Variants in GNPDA2 observed in about 807,000 individuals in gnomAD.
The protein encoded by GNPDA2 is glcN6P deaminase 2.
GNPDA2 carries 24 observed loss-of-function variants against 27.0 expected under a neutral mutation model. That is an observed-to-expected ratio of 0.89 (90% CI 0.64 to 1.25). The LOEUF (loss-of-function observed/expected upper bound fraction) is 1.25. GNPDA2 is among the 50% of genes most tolerant of loss of function. The pLI is 0.00. For missense variants in GNPDA2, 286 were observed against 335.1 expected (o/e 0.85, Z 1.14); for synonymous variants, 94 against 108.4 (o/e 0.87, Z 0.83).
At position 44,703,071 on chromosome 4, in the gene GNPDA2, CCA is replaced by C. The variant is rs1716370745; in HGVS notation, c.*8_*9del. 3.1e-6 allele frequency: 5 copies of C among 1,611,364 alleles called. No homozygotes were observed. The African/African-American group carries it at 5.3e-5, about 17-fold the overall frequency. On this transcript the variant is annotated 3_prime_UTR_variant, in exon 7 of 7. Coordinates refer to ENST00000295448, the MANE Select transcript of GNPDA2 (RefSeq NM_138335.3). ...CTGTTCATTCAAGCTGAATTTTGCT[CCA>C]GTCTCCTTCAGTTTCCATCTTTCAT...
intron 2 of GNPDA2, among the ~76,000 whole-genome samples, chr4:44,721,291 A>T (rs1717651570): frequency 6.6e-6 from 1 of 152,162 alleles, no homozygotes; most frequent in Admixed American, 6.6e-5. Flanking sequence ...ACAGTATACA[A>T]GGGACTTACA....
intron 4 of GNPDA2, among the ~76,000 whole-genome samples, chr4:44,711,430 A>C (rs1468896175): frequency 1.3e-5 from 2 of 152,174 alleles, no homozygotes; most frequent in African/African-American, 4.8e-5. Flanking sequence ...AGATTATCAA[A>C]TATTATTTAA....
chr4:44,703,708 A>G, intron 6 of GNPDA2: 1 of 983,050 alleles, frequency 1.0e-6, no homozygotes, highest in South Asian at 4.7e-5. Context: ...AATTCAGAAT[A>G]GAAATTACGA....
At chr4:44,715,834 G>C (rs1310256140) in intron 4 of GNPDA2, among the ~76,000 whole-genome samples, 2 of 151,996 alleles carry the variant, frequency 1.3e-5, no homozygotes, top group African/African-American at 4.8e-5. Flanking sequence ...CTGCTAGGTA[G>C]AAGTAAAAAC....
At chr4:44,709,607 TTA>T in intron 5 of GNPDA2, among the ~76,000 whole-genome samples, 1 of 152,066 alleles carries the variant, frequency 6.6e-6, no homozygotes, top group African/African-American at 2.4e-5. Flanking sequence ...TTTTAAAAGG[TTA>T]TGAAATAAGC....
At chr4:44,705,757 T>C (rs373998835) in intron 6 of GNPDA2, 2 of 152,166 alleles carry the variant, frequency 1.3e-5, no homozygotes, top group African/African-American at 4.8e-5. Flanking sequence ...TTTTGATTTC[T>C]ATTACCCAGC....
intron 5 of GNPDA2, among the ~76,000 whole-genome samples, chr4:44,708,646 ATCTTT>A (rs1162092291): frequency 2.0e-5 from 3 of 152,080 alleles, no homozygotes; most frequent in Admixed American, 1.3e-4. Flanking sequence ...ATGTGTCGGA[ATCTTT>A]TCTTTATCAT....
At chr4:44,709,368 A>G (rs1180166732) in intron 5 of GNPDA2, among the ~76,000 whole-genome samples, 1 of 152,148 alleles carries the variant, frequency 6.6e-6, no homozygotes, top group East Asian at 1.9e-4. Flanking sequence ...GATTAGTTAT[A>G]TCATACCTGT....
intron 4 of GNPDA2, among the ~76,000 whole-genome samples, chr4:44,713,852 C>CCA (rs1323012779): frequency 6.6e-6 from 1 of 152,156 alleles, no homozygotes; most frequent in Non-Finnish European, 1.5e-5. Flanking sequence ...TGTACTCCAG[C>CCA]CTGGGCAACA....
At chr4:44,723,738 A>G (rs1193839121) in intron 1 of GNPDA2, among the ~76,000 whole-genome samples, 2 of 152,140 alleles carry the variant, frequency 1.3e-5, no homozygotes, top group Non-Finnish European at 2.9e-5. Context: ...GAACTGCACA[A>G]AAGGAACGAA....
In GNPDA2 at chr4:44,707,842, A is replaced by T; in HGVS notation, c.679T>A (p.Ser227Thr). The change falls in exon 6 of 7, where the codon TCC (serine) becomes ACC (threonine). Residue 227 changes from serine (S) to threonine (T), a missense_variant. Ser to Thr is a moderately conservative substitution (Grantham distance 58). Coordinates refer to ENST00000295448, the MANE Select transcript of GNPDA2 (RefSeq NM_138335.3). ...GTCCGGGGATGCTGCTGGAAAGCGG[A>T]AACAGTCCACATGTGATTGACTCCT... ...EEGVNHMWTV[S>T]AFQQHPRTIF... 6.2e-7 allele frequency: 1 copy of T among 1,613,446 alleles called. No individual in the cohort carries two copies. Among genetic ancestry groups the T allele is most frequent in the Non-Finnish European group, 8.5e-7 (1 of 1,179,532 alleles).
At chr4:44,725,096 G>T (rs1402338850) in intron 1 of GNPDA2, among the ~76,000 whole-genome samples, 4 of 151,764 alleles carry the variant, frequency 2.6e-5, no homozygotes, top group East Asian at 1.9e-4. Flanking sequence ...TGCATCCTGG[G>T]CATGTTATTT....
At position 44,722,444 on chromosome 4, in the gene GNPDA2, C is replaced by G. The variant is rs150549922; in HGVS notation, c.-35-202G>C. On this transcript the variant is annotated intron_variant, in intron 1 of 6. Coordinates refer to ENST00000295448, the MANE Select transcript of GNPDA2 (RefSeq NM_138335.3). ...ATAGCTGTTCTCTTTTGAGCAGACACTGAGTTTAAGGCAGTGGGCTAGGTC... is the reference window on the plus strand; with the variant it reads ...ATAGCTGTTCTCTTTTGAGCAGACAGTGAGTTTAAGGCAGTGGGCTAGGTC... Among the ~76,000 whole-genome samples, 85 of 152,250 alleles carry G rather than the reference C, an allele frequency of 5.6e-4. No individual in the cohort carries two copies. The East Asian group carries it at 6.7e-3, about 12-fold the overall frequency.
In GNPDA2 at chr4:44,717,318, TA is replaced by T. The variant is rs1396775825; in HGVS notation, c.227-24del. The T allele has an allele frequency of 2.4e-6, 3 of 1,271,664 alleles. No homozygotes were observed. In the African/African-American group the frequency reaches 4.6e-5, roughly 19 times the overall value. 78.8% of individuals were successfully genotyped at this position (1,271,664 alleles called of 1,614,324 possible). ...GTCCTAAAGATGAAGTTAATAAAAATATAAGTATTCCTGAAATAAATCTAAA... is the reference window on the plus strand; with the variant it reads ...GTCCTAAAGATGAAGTTAATAAAAATTAAGTATTCCTGAAATAAATCTAAA... On this transcript the variant is annotated intron_variant, in intron 3 of 6. Transcript: ENST00000295448.
At chr4:44,717,823 T>TTCTATATTAAAA (rs974306189) in intron 3 of GNPDA2, among the ~76,000 whole-genome samples, 16 of 151,932 alleles carry the variant, frequency 1.1e-4, no homozygotes, top group Admixed American at 9.8e-4. Context: ...TATTTAAATT[T>TTCTATATTAAAA]TAACACAGAG....
Position 44,712,820 on chromosome 4 carries a change from T to A in GNPDA2, c.410-1683A>T, listed in dbSNP as rs961474587. On this transcript the variant is annotated intron_variant, in intron 4 of 6. Transcript: ENST00000295448. Reference sequence around the variant, plus strand: ...AAGGTATTTGCTTGTTGGCTATGAATAACTGAGGTTCCTGATATAAAATTA... The same window carrying A: ...AAGGTATTTGCTTGTTGGCTATGAAAAACTGAGGTTCCTGATATAAAATTA... Among the ~76,000 whole-genome samples, 4 of 152,198 alleles carry A rather than the reference T, an allele frequency of 2.6e-5. No homozygotes were observed. The South Asian group carries it at 8.3e-4, about 32-fold the overall frequency.
chr4:44,711,187 C>A (rs1716955703), intron 4 of GNPDA2, 50 bp from the exon 5 acceptor site: 4 of 1,229,142 alleles, frequency 3.3e-6, no homozygotes, highest in Admixed American at 3.0e-5. Context: ...ATAGGTTTCA[C>A]AAAGTTCAAT....
chr4:44,717,306 A>C lies in GNPDA2; in HGVS notation c.227-11T>G. The C allele has an allele frequency of 7.2e-7, 1 of 1,391,710 alleles. No individual in the cohort carries two copies. 86.2% of individuals were successfully genotyped at this position (1,391,710 alleles called of 1,614,324 possible). Reference sequence around the variant, plus strand: ...GATTTCTTGGAAGTCCTAAAGATGAAGTTAATAAAAATATAAGTATTCCTG... The same window carrying C: ...GATTTCTTGGAAGTCCTAAAGATGACGTTAATAAAAATATAAGTATTCCTG... On this transcript the variant is annotated splice_polypyrimidine_tract_variant and intron_variant, in intron 3 of 6. Coordinates refer to ENST00000295448, the MANE Select transcript of GNPDA2 (RefSeq NM_138335.3).
chr4:44,708,731 CT>C (rs1421315310), intron 5 of GNPDA2, among the ~76,000 whole-genome samples: 9 of 152,130 alleles, frequency 5.9e-5, no homozygotes, highest in East Asian at 3.9e-4. Flanking sequence ...AATCTTTAAA[CT>C]TTTTTTCCTC....
Sources: gnomAD v4.1 joint callset for allele counts (sites outside exome capture counted in the v4.1 genomes callset) on GRCh38, gnomAD v4.1.1 for gene constraint, MANE v1.5 for transcripts, NCBI Gene and HGNC (gene_info 2026-07-23, HGNC 2026-07-21) for gene names.